DNM3: variants seen among roughly 807,000 people sequenced by gnomAD.
DNM3 encodes the protein dynamin 3.
DNM3 carries 47 observed loss-of-function variants against 101.6 expected under a neutral mutation model. The ratio of observed to expected loss-of-function variants is 0.46; its 90% CI spans 0.37 to 0.59. The LOEUF (loss-of-function observed/expected upper bound fraction) is 0.59, where lower values mean the gene tolerates loss of function less well. Ranked by LOEUF, DNM3 falls within the 20% of genes least tolerant of loss-of-function variation. The pLI is 0.00. For missense variants in DNM3, 849 were observed against 1,085.7 expected (o/e 0.78, Z 3.06); for synonymous variants, 385 against 387.9 (o/e 0.99, Z 0.09).
intron 14 of DNM3, chr1:172,144,387 TC>T (rs2057763344): frequency 4.6e-6 from 1 of 215,342 alleles, no homozygotes; most frequent in Admixed American, 5.6e-5. Flanking sequence ...CCTTCGGCAG[TC>T]TTTTCTCAGC....
Position 172,308,848 on chromosome 1 carries a change from G to T in DNM3, c.1881+9G>T, listed in dbSNP as rs749334884. 1.3e-6 allele frequency: 2 copies of T among 1,503,260 alleles called. No homozygotes were observed. Among genetic ancestry groups the T allele is most frequent in the African/African-American group, 1.4e-5 (1 of 72,412 alleles). 93.1% of individuals were successfully genotyped at this position (1,503,260 alleles called of 1,614,324 possible). ...ATCCTGACAAATCTGTAGTAAGTTG[G>T]ATATATCTCTTATGTAAAAATTATT... On this transcript the variant is annotated intron_variant, in intron 16 of 20. Coordinates refer to ENST00000627582, the MANE Select transcript of DNM3 (RefSeq NM_015569.5).
rs547305773 is a variant in DNM3, at chr1:172,205,317, C to T, written c.1660-48256C>T. Among the ~76,000 whole-genome samples the T allele has an allele frequency of 2.6e-5, 4 of 152,174 alleles. 1 individual carries two copies. The South Asian group carries it at 8.3e-4, about 32-fold the overall frequency. On this transcript the variant is annotated intron_variant, in intron 14 of 20. Coordinates refer to ENST00000627582, the MANE Select transcript of DNM3 (RefSeq NM_015569.5). ...CTATATTTCCCTGGCATGAACTTTGCCTTTATTCAAGCTAGCTCGTCTAAA... is the reference window on the plus strand; with the variant it reads ...CTATATTTCCCTGGCATGAACTTTGTCTTTATTCAAGCTAGCTCGTCTAAA...
At chr1:172,365,233 G>A (rs998643909) in intron 17 of DNM3, among the ~76,000 whole-genome samples, 2 of 151,908 alleles carry the variant, frequency 1.3e-5, no homozygotes, top group Admixed American at 1.3e-4. Flanking sequence ...TATCTTTTAG[G>A]ATTATACACT....
In DNM3 at chr1:172,222,685, G is replaced by T. The variant is rs185651566; in HGVS notation, c.1660-30888G>T. On this transcript the variant is annotated intron_variant, in intron 14 of 20. Coordinates refer to ENST00000627582, the MANE Select transcript of DNM3 (RefSeq NM_015569.5). Reference sequence around the variant, plus strand: ...GAGAAAAACAAAGCCATATTTAGGGGTTTGTTTTGTTGAATTTTATTATTG... The same window carrying T: ...GAGAAAAACAAAGCCATATTTAGGGTTTTGTTTTGTTGAATTTTATTATTG... 8.5e-4 allele frequency among the ~76,000 whole-genome samples: 129 copies of T among 152,212 alleles called. 4 individuals carry two copies. The East Asian group carries it at 0.023, about 27-fold the overall frequency.
chr1:172,087,509 A>G lies in DNM3; in HGVS notation c.1494-5315A>G, dbSNP rs577648282. Among the ~76,000 whole-genome samples, 10 of 152,166 alleles carry G rather than the reference A, an allele frequency of 6.6e-5. No homozygotes were observed. In the East Asian group the frequency reaches 1.9e-3, roughly 29 times the overall value. Reference sequence around the variant, plus strand: ...GAGAAGCCTCAACCTTCTAGTCCCAAACTAAACTCCTCATCTGCTCTTATA... The same window carrying G: ...GAGAAGCCTCAACCTTCTAGTCCCAGACTAAACTCCTCATCTGCTCTTATA... On this transcript the variant is annotated intron_variant, in intron 12 of 20. Coordinates refer to ENST00000627582, the MANE Select transcript of DNM3 (RefSeq NM_015569.5).
intron 6 of DNM3, among the ~76,000 whole-genome samples, chr1:172,034,924 A>G (rs2048850788): frequency 2.0e-5 from 3 of 152,152 alleles, no homozygotes; most frequent in Non-Finnish European, 4.4e-5. Flanking sequence ...AAGACCAATG[A>G]GGAGTCATTT....
chr1:172,279,689 T>A (rs916644196), intron 15 of DNM3, among the ~76,000 whole-genome samples: 1 of 152,118 alleles, frequency 6.6e-6, no homozygotes, highest in Non-Finnish European at 1.5e-5. Flanking sequence ...ACCTTGGATT[T>A]TTCTCTTGCC....
intron 2 of DNM3, among the ~76,000 whole-genome samples, chr1:171,981,260 C>G (rs183953509): frequency 1.8e-4 from 28 of 152,084 alleles, no homozygotes; most frequent in African/African-American, 5.8e-4. Flanking sequence ...TCACTGGAGC[C>G]CTGTGCTCAC....
chr1:171,849,520 T>G (rs996016458), intron 1 of DNM3, among the ~76,000 whole-genome samples: 11 of 152,252 alleles, frequency 7.2e-5, no homozygotes, highest in Admixed American at 2.0e-4. Flanking sequence ...AATGCGTATT[T>G]GCAAATTCTT....
chr1:172,245,332 G>T (rs896678311), intron 14 of DNM3, among the ~76,000 whole-genome samples: 2 of 152,164 alleles, frequency 1.3e-5, no homozygotes, highest in African/African-American at 2.4e-5. Context: ...GACACACTTA[G>T]GTGAAACATA....
chr1:172,133,107 C>T (rs1243132807), intron 14 of DNM3: 13 of 1,422,384 alleles, frequency 9.1e-6, no homozygotes, highest in Non-Finnish European at 1.2e-5. Flanking sequence ...TGACATGTTC[C>T]TGGGTGTTAG....
At chr1:171,942,561 T>C (rs577854088) in intron 2 of DNM3, among the ~76,000 whole-genome samples, 40 of 152,288 alleles carry the variant, frequency 2.6e-4, no homozygotes, top group African/African-American at 9.1e-4. Context: ...ATTGGGAGCT[T>C]CTATGTACCA....
intron 17 of DNM3, among the ~76,000 whole-genome samples, chr1:172,336,254 G>A (rs1186288107): frequency 1.3e-5 from 2 of 152,044 alleles, no homozygotes; most frequent in Admixed American, 6.6e-5. Flanking sequence ...ACTGGCCAAA[G>A]GTCACACATC....
intron 17 of DNM3, among the ~76,000 whole-genome samples, chr1:172,346,343 C>A: frequency 6.6e-6 from 1 of 152,176 alleles, no homozygotes; most frequent in East Asian, 1.9e-4. Flanking sequence ...GCATGAAGTG[C>A]ATGTGAAGGT....
At chr1:172,359,716 A>G (rs2067645336) in intron 17 of DNM3, among the ~76,000 whole-genome samples, 1 of 151,832 alleles carries the variant, frequency 6.6e-6, no homozygotes. Context: ...AGTGTGGGCT[A>G]TTTGTATAAG....
chr1:172,154,487 G>A (rs979320338), intron 14 of DNM3, among the ~76,000 whole-genome samples: 5 of 152,098 alleles, frequency 3.3e-5, no homozygotes, highest in Admixed American at 6.6e-5. Flanking sequence ...CTACTACCAG[G>A]AGAAATGTGG....
At chr1:172,354,112 T>TGTGTGAGAGAGAGAGAGAGAGAGA (rs138540712) in intron 17 of DNM3, among the ~76,000 whole-genome samples, 11 of 94,964 alleles carry the variant, frequency 1.2e-4, no homozygotes, top group African/African-American at 3.5e-4. Context: ...TGTGTGTGTG[T>TGTGTGAGAGAGAGAGAGAGAGAGA]GAGAGAGAGA....
At chr1:171,961,580 T>C (rs2043212316) in intron 2 of DNM3, among the ~76,000 whole-genome samples, 1 of 152,156 alleles carries the variant, frequency 6.6e-6, no homozygotes, top group Non-Finnish European at 1.5e-5. Flanking sequence ...TATAATATAA[T>C]ACAGCAATTC....
intron 14 of DNM3, among the ~76,000 whole-genome samples, chr1:172,195,286 C>A (rs1335758795): frequency 2.0e-5 from 3 of 151,914 alleles, no homozygotes; most frequent in Non-Finnish European, 4.4e-5. Flanking sequence ...AATCTTATAA[C>A]CTTGCTTTAA....
Sources: allele counts gnomAD v4.1 joint callset (sites outside exome capture counted in the v4.1 genomes callset), GRCh38; gene constraint gnomAD v4.1.1; transcripts MANE v1.5; gene names NCBI Gene and HGNC (gene_info 2026-07-23, HGNC 2026-07-21).